CUL9: variants seen among roughly 807,000 people sequenced by gnomAD.
CUL9 encodes the protein cullin 9.
Under a neutral mutation model 272.6 loss-of-function variants are expected in CUL9, and 79 were observed. That is an observed-to-expected ratio of 0.29 (90% confidence interval 0.24 to 0.35). CUL9 has a LOEUF of 0.35. Among genes scored for constraint, CUL9 ranks in the 10% least tolerant of loss-of-function variants. The probability of loss-of-function intolerance (pLI) is 1.00; values close to 1 mark genes in which losing one functional copy is unlikely to be tolerated. For synonymous variants in CUL9, 1,186 were observed against 1,286.5 expected, an observed-to-expected ratio of 0.92 and a Z score of 1.67; for missense variants, 2,532 against 3,255.6, an observed-to-expected ratio of 0.78 and a Z score of 5.41.
chr6:43,209,936 G>A (rs1008364172), intron 26 of CUL9, among the ~76,000 whole-genome samples: 2 of 151,710 alleles, frequency 1.3e-5, no homozygotes, highest in African/African-American at 2.4e-5. Context: ...ATGAGCCACC[G>A]CATCCGGACC....
chr6:43,186,111 A>T lies in CUL9; in HGVS notation c.907A>T (p.Ser303Cys), dbSNP rs1205820131. 6.2e-7 allele frequency: 1 copy of T among 1,614,146 alleles called. No homozygotes were observed. The highest frequency in any genetic ancestry group is 8.5e-7 in the Non-Finnish European group (1 of 1,180,044). ...CCGGGGACAGCGGGAACTGGAGTTC[A>T]GCATGGCTGTGGGCAACCTCATCTC... ...KSRGQRELEF[S>C]MAVGNLISEL... The change falls in exon 4 of 41, where the codon AGC (serine) becomes TGC (cysteine). Residue 303 changes from serine (S) to cysteine (C), a missense_variant. Physicochemically the swap from Ser to Cys is moderately radical, Grantham distance 112. Around this residue, in one of 3 missense-constraint regions of CUL9, gnomAD observed 2,218 missense variants for 2,788.6 expected, o/e 0.80. Coordinates refer to ENST00000252050, the MANE Select transcript of CUL9 (RefSeq NM_015089.4).
rs372935383 is a variant in CUL9 at position 43,203,507 on chromosome 6, A to G, written c.3940A>G (p.Thr1314Ala). Reference sequence around the variant, plus strand: ...GTTCCGGGAGCAGCTGTGTCGCCGAACATGTCTCTTCTACACAATTCGGGC... The same window carrying G: ...GTTCCGGGAGCAGCTGTGTCGCCGAGCATGTCTCTTCTACACAATTCGGGC... ...PLFREQLCRR[T>A]CLFYTIRAQA... The change falls in exon 19 of 41, where the codon ACA becomes GCA. Residue 1314 changes from threonine to alanine, a missense_variant. By Grantham distance (58) the Thr-to-Ala change is moderately conservative. Transcript: ENST00000252050. This position sits in a 1 kb window ranked among gnomAD's most constrained non-coding sequence, Gnocchi z 5.0. 3 of 1,614,076 alleles carry G rather than the reference A, an allele frequency of 1.9e-6. No individual in the cohort carries two copies. In the African/African-American group the frequency reaches 4.0e-5, roughly 22 times the overall value.
At chr6:43,192,031 T>C (rs1367187157) in intron 8 of CUL9, among the ~76,000 whole-genome samples, 4 of 151,164 alleles carry the variant, frequency 2.6e-5, no homozygotes, top group Admixed American at 6.6e-5. Flanking sequence ...TATATTTTGA[T>C]AATAATAGGC....
In CUL9 at chr6:43,204,259, C is replaced by T. The variant is rs563166002; in HGVS notation, c.4160-101C>T. The T allele has an allele frequency of 3.5e-6, 5 of 1,444,956 alleles. No individual in the cohort carries two copies. The East Asian group carries it at 1.1e-4, about 33-fold the overall frequency. 89.5% of individuals were successfully genotyped at this position (1,444,956 alleles called of 1,614,324 possible). On this transcript the variant is annotated intron_variant, in intron 20 of 40. Transcript: ENST00000252050. ...GGGGAGGACTAGGGCCCCACTACCC[C>T]TCAAGCCTTTTTGTACAATTGATCT... is the stretch of plus-strand genomic sequence containing the variant.
At position 43,200,258 on chromosome 6, in the gene CUL9, G is replaced by C; in HGVS notation, c.3384+102G>C. 3 of 1,447,518 alleles carry C rather than the reference G, an allele frequency of 2.1e-6. No individual in the cohort carries two copies. Among genetic ancestry groups the C allele is most frequent in the Non-Finnish European group, 2.8e-6 (3 of 1,053,276 alleles). The allele number at this position is 1,447,518 out of a possible 1,614,324, so 89.7% of individuals were successfully genotyped here. A position where few individuals can be genotyped will look rare whatever the true frequency, so the allele number is the denominator to read the frequency against. On this transcript the variant is annotated intron_variant, in intron 14 of 40. Transcript: ENST00000252050. The surrounding 1 kb of genome is among the most constrained non-coding windows in gnomAD (Gnocchi z 4.0). Reference sequence around the variant, plus strand: ...TTGGTATCCCTGTTTGGCACAGGTTGTAGCAAATCTGGGGCACTTGTTTCC... The same window carrying C: ...TTGGTATCCCTGTTTGGCACAGGTTCTAGCAAATCTGGGGCACTTGTTTCC...
At chr6:43,214,107 TAA>T (rs921567773) in intron 29 of CUL9, among the ~76,000 whole-genome samples, 195 bp downstream of exon 29, 6 of 152,228 alleles carry the variant, frequency 3.9e-5, no homozygotes, top group African/African-American at 1.4e-4. Context: ...GGCCCTATGC[TAA>T]GAGTTTGCAT....
chr6:43,207,365 G>C (rs1453650157), intron 26 of CUL9, among the ~76,000 whole-genome samples: 2 of 152,062 alleles, frequency 1.3e-5, no homozygotes, highest in African/African-American at 4.8e-5. Flanking sequence ...GCCTGTATTT[G>C]AACATCATAT....
In CUL9 at chr6:43,223,554, C is replaced by A; in HGVS notation, c.7284+157C>A. 4.1e-6 allele frequency: 4 copies of A among 972,204 alleles called. No homozygotes were observed. Among genetic ancestry groups the A allele is most frequent in the Non-Finnish European group, 6.0e-6 (4 of 669,924 alleles). The allele number at this position is 972,204 out of a possible 1,614,324, so 60.2% of individuals were successfully genotyped here. On this transcript the variant is annotated intron_variant, in intron 39 of 40. Coordinates refer to ENST00000252050, the MANE Select transcript of CUL9 (RefSeq NM_015089.4). The surrounding 1 kb of genome is among the most constrained non-coding windows in gnomAD (Gnocchi z 4.1). Reference sequence around the variant, plus strand: ...TGGGCGCACATCCCGGCTTTTGGGCCAACCTGCCTGATGCTGCTGGACCCT... The same window carrying A: ...TGGGCGCACATCCCGGCTTTTGGGCAAACCTGCCTGATGCTGCTGGACCCT...
chr6:43,200,596 T>C lies in CUL9; in HGVS notation c.3476-67T>C. On this transcript the variant is annotated intron_variant, in intron 15 of 40. Coordinates refer to ENST00000252050, the MANE Select transcript of CUL9 (RefSeq NM_015089.4). This position sits in a 1 kb window ranked among gnomAD's most constrained non-coding sequence, Gnocchi z 4.0. ...GTTCTCCCCTTCCCTTCCTGCTCCT[T>C]AGACCTTTTCCTTTTTCCTCTCAAC... 6.2e-7 allele frequency: 1 copy of C among 1,613,668 alleles called. No homozygotes were observed. The highest frequency in any genetic ancestry group is 8.5e-7 in the Non-Finnish European group (1 of 1,179,646).
chr6:43,186,361 G>C lies in CUL9; in HGVS notation c.1157G>C (p.Gly386Ala). Residue 386 changes from glycine (G) to alanine (A), a missense_variant, in exon 4 of 41, where the codon GGG becomes GCG. Gly to Ala is a moderately conservative substitution (Grantham distance 60). Transcript: ENST00000252050. ...TATGTGCAGCAGACACTGCAGCCAGGGATGCGAGTGCGGATGCTGGATGAT... is the reference window on the plus strand; with the variant it reads ...TATGTGCAGCAGACACTGCAGCCAGCGATGCGAGTGCGGATGCTGGATGAT... ...GEYVQQTLQPGMRVRMLDDYE... is the reference protein window; with the variant it reads ...GEYVQQTLQPAMRVRMLDDYE... 6.2e-7 allele frequency: 1 copy of C among 1,614,202 alleles called. No homozygotes were observed. Among genetic ancestry groups the C allele is most frequent in the African/African-American group, 1.3e-5 (1 of 75,072 alleles).
At position 43,184,867 on chromosome 6, in the gene CUL9, C is replaced by T. The variant is rs760546219; in HGVS notation, c.557C>T (p.Ala186Val). Residue 186 changes from alanine (A) to valine (V), a missense_variant, in exon 2 of 41, where the codon GCA becomes GTA. Ala to Val is a moderately conservative substitution (Grantham distance 64, BLOSUM62 0). Coordinates refer to ENST00000252050, the MANE Select transcript of CUL9 (RefSeq NM_015089.4). The surrounding 1 kb of genome is among the most constrained non-coding windows in gnomAD (Gnocchi z 4.8). ...CCTGAGCCTCAGATCCGCCGGAGTG[C>T]AGGCAAAATGCTGCAGGCTCTGGCA... Reference protein sequence around the residue: ...CNPEPQIRRSAGKMLQALAAH... With the variant: ...CNPEPQIRRSVGKMLQALAAH... 1 of 1,602,444 alleles carries T rather than the reference C, an allele frequency of 6.2e-7. No individual in the cohort carries two copies. Among genetic ancestry groups the T allele is most frequent in the Non-Finnish European group, 8.5e-7 (1 of 1,177,680 alleles).
chr6:43,211,285 C>T (rs902867204), intron 26 of CUL9, among the ~76,000 whole-genome samples: 12 of 152,198 alleles, frequency 7.9e-5, no homozygotes, highest in Non-Finnish European at 1.6e-4. Context: ...AGGCCAGCCA[C>T]GGTGGCTCAT....
chr6:43,223,328 C>G lies in CUL9; in HGVS notation c.7215C>G (p.Leu2405=). 6.2e-7 allele frequency: 1 copy of G among 1,602,162 alleles called. No homozygotes were observed. The highest frequency in any genetic ancestry group is 8.5e-7 in the Non-Finnish European group (1 of 1,174,416). ...SSLRLLRADC[L]STGMELLRRI... ...TGCGCCTCCTGCGGGCCGACTGCCT[C>G]AGCACGGGCATGGAGCTGCTCCGGC... The change falls in exon 39 of 41, where the codon CTC becomes CTG. Residue 2405 remains leucine, a synonymous_variant. Coordinates refer to ENST00000252050, the MANE Select transcript of CUL9 (RefSeq NM_015089.4). This position sits in a 1 kb window ranked among gnomAD's most constrained non-coding sequence, Gnocchi z 4.1.
chr6:43,203,510 T>A lies in CUL9; in HGVS notation c.3943T>A (p.Cys1315Ser). ...LFREQLCRRT[C>S]LFYTIRAQAW... is the part of the protein sequence containing the mutation. ...CCGGGAGCAGCTGTGTCGCCGAACA[T>A]GTCTCTTCTACACAATTCGGGCACA... Residue 1315 changes from cysteine to serine, a missense_variant, in exon 19 of 41, where the codon TGT (cysteine) becomes AGT (serine). Physicochemically the swap from Cys to Ser is moderately radical, Grantham distance 112 (BLOSUM62 -1). Coordinates refer to ENST00000252050, the MANE Select transcript of CUL9 (RefSeq NM_015089.4). The surrounding 1 kb of genome is among the most constrained non-coding windows in gnomAD (Gnocchi z 5.0). 1 of 1,614,114 alleles carries A rather than the reference T, an allele frequency of 6.2e-7. No homozygotes were observed. Among genetic ancestry groups the A allele is most frequent in the South Asian group, 1.1e-5 (1 of 91,086 alleles).
chr6:43,205,172 T>C (rs1774949580), intron 23 of CUL9, 57 bp downstream of exon 23: 2 of 1,579,596 alleles, frequency 1.3e-6, no homozygotes, highest in Non-Finnish European at 1.7e-6. Context: ...TTCATCTCTT[T>C]CTGCTCTGCC....
At position 43,205,387 on chromosome 6, in the gene CUL9, G is replaced by T. The variant is rs1044347826; in HGVS notation, c.4757G>T (p.Gly1586Val). 8 of 1,614,058 alleles carry T rather than the reference G, an allele frequency of 5.0e-6. No homozygotes were observed. The African/African-American group carries it at 6.7e-5, about 13-fold the overall frequency. ...CTGGAACCCATTATGGTCCTTTCTGGTCTGGAACTGGCCACAACTTTTGAG... is the reference window on the plus strand; with the variant it reads ...CTGGAACCCATTATGGTCCTTTCTGTTCTGGAACTGGCCACAACTTTTGAG... ...RHLEPIMVLSGLELATTFEHF... is the reference protein window; with the variant it reads ...RHLEPIMVLSVLELATTFEHF... The change falls in exon 24 of 41, where the codon GGT becomes GTT. Residue 1586 changes from glycine to valine, a missense_variant. Gly to Val is a moderately radical substitution (Grantham distance 109). This residue lies in a region of CUL9 where 2,218 missense variants were observed against 2,788.6 expected (regional missense o/e 0.80). Coordinates refer to ENST00000252050, the MANE Select transcript of CUL9 (RefSeq NM_015089.4).
chr6:43,215,317 C>G lies in CUL9; in HGVS notation c.5927C>G (p.Ser1976Cys). Reference sequence around the variant, plus strand: ...TTCTGTGGCAGCCAGAGCGAAACCTCCAAGCCCAGGTAGCCACTGCACCTG... The same window carrying G: ...TTCTGTGGCAGCCAGAGCGAAACCTGCAAGCCCAGGTAGCCACTGCACCTG... ...VPFCGSQSETSKPSPEAVATL... is the reference protein window; with the variant it reads ...VPFCGSQSETCKPSPEAVATL... The change falls in exon 30 of 41, where the codon TCC (serine) becomes TGC (cysteine). Residue 1976 changes from serine (S) to cysteine (C), a missense_variant. Around this residue, in one of 3 missense-constraint regions of CUL9, gnomAD observed 2,218 missense variants for 2,788.6 expected, o/e 0.80. Transcript: ENST00000252050. The G allele has an allele frequency of 6.2e-7, 1 of 1,608,630 alleles. No individual in the cohort carries two copies. Among genetic ancestry groups the G allele is most frequent in the Non-Finnish European group, 8.5e-7 (1 of 1,178,050 alleles).
chr6:43,211,495 T>G (rs377585529), intron 26 of CUL9, among the ~76,000 whole-genome samples: 1 of 152,082 alleles, frequency 6.6e-6, no homozygotes, highest in Non-Finnish European at 1.5e-5. Flanking sequence ...GAGGTGGAGG[T>G]TGCAGTGAGC....
In CUL9 at chr6:43,213,563, CG is replaced by C. The variant is rs764807102; in HGVS notation, c.5488+1del. ...TLHEGQDFPH[G>X]GVLRLHEPGP... ...TGCATGAGGGCCAGGACTTTCCACA[CG>C]GGGGTAGGTCATTGGGGGCCGGGCT... On this transcript the variant is annotated frameshift_variant, in exon 28 of 41. Coordinates refer to ENST00000252050, the MANE Select transcript of CUL9 (RefSeq NM_015089.4). LOFTEE classifies it high-confidence loss of function. The surrounding 1 kb of genome is among the most constrained non-coding windows in gnomAD (Gnocchi z 5.7). 6.2e-7 allele frequency: 1 copy of C among 1,610,430 alleles called. No individual in the cohort carries two copies. Among genetic ancestry groups the C allele is most frequent in the Admixed American group, 1.7e-5 (1 of 59,528 alleles).
Sources: gnomAD v4.1 joint callset for allele counts (sites outside exome capture counted in the v4.1 genomes callset) on GRCh38, gnomAD v4.1.1 for gene constraint, gnomAD v4.1.1 regional missense constraint, Gnocchi (gnomAD v3.1) non-coding constraint, MANE v1.5 for transcripts, NCBI Gene and HGNC (gene_info 2026-07-23, HGNC 2026-07-21) for gene names.